MTA3: variants seen among roughly 807,000 people sequenced by gnomAD.
MTA3 encodes metastasis-associated protein MTA3.
In MTA3, 34 loss-of-function variants were observed where a neutral mutation model predicts 83.5. The observed-to-expected ratio is 0.41, with a 90% CI of 0.31 to 0.54. The LOEUF is 0.54. Among genes scored for constraint, MTA3 ranks in the 20% least tolerant of loss-of-function variants. The probability of loss-of-function intolerance (pLI) is 0.33; values close to 1 mark genes in which losing one functional copy is unlikely to be tolerated. For missense variants in MTA3, 761 were observed against 726.4 expected (o/e 1.05, Z -0.55); for synonymous variants, 303 against 252.7 (o/e 1.20, Z -1.89).
intron 6 of MTA3, among the ~76,000 whole-genome samples, chr2:42,649,064 C>T (rs920415177): frequency 7.2e-5 from 11 of 152,124 alleles, no homozygotes; most frequent in African/African-American, 2.7e-4. Context: ...CCAGCTGTTA[C>T]AGTCTTCTCC....
intron 3 of MTA3, among the ~76,000 whole-genome samples, chr2:42,605,678 C>T (rs1490151107): frequency 7.7e-6 from 1 of 130,054 alleles, no homozygotes; most frequent in Non-Finnish European, 1.7e-5. Context: ...ACCCCCCCAC[C>T]TCCCTCCCGG....
intron 12 of MTA3, 126 bp from the exon 13 acceptor site, chr2:42,707,777 G>A (rs1441658557): frequency 9.4e-7 from 1 of 1,062,764 alleles, no homozygotes; most frequent in Non-Finnish European, 1.3e-6. Flanking sequence ...TGTTTGGCTT[G>A]TAAGCTGGGA....
intron 2 of MTA3, among the ~76,000 whole-genome samples, chr2:42,576,175 T>G (rs973562764): frequency 6.6e-6 from 1 of 152,164 alleles, no homozygotes; most frequent in East Asian, 1.9e-4. Context: ...AGGGTCCACA[T>G]TCTAATGAGG....
intron 14 of MTA3, chr2:42,709,542 T>A (rs983002395): frequency 6.3e-6 from 1 of 159,622 alleles, no homozygotes; most frequent in African/African-American, 2.4e-5. Flanking sequence ...CAATTTACAC[T>A]AATTAGAGAC....
intron 2 of MTA3, among the ~76,000 whole-genome samples, chr2:42,534,518 A>C (rs1475236349): frequency 6.6e-6 from 1 of 151,680 alleles, no homozygotes; most frequent in African/African-American, 2.4e-5. Context: ...AATCGCTTGA[A>C]CCCGGGAGGC....
At chr2:42,536,634 C>T (rs984594514) in intron 2 of MTA3, among the ~76,000 whole-genome samples, 4 of 151,932 alleles carry the variant, frequency 2.6e-5, no homozygotes, top group Admixed American at 6.6e-5. Context: ...CTGAGGCAGG[C>T]GGATCACGAG....
intron 3 of MTA3, among the ~76,000 whole-genome samples, chr2:42,602,981 T>C (rs1218511619): frequency 1.3e-5 from 2 of 152,162 alleles, no homozygotes; most frequent in Non-Finnish European, 2.9e-5. Context: ...TGTAATTTTA[T>C]AGTACTCACC....
intron 14 of MTA3, among the ~76,000 whole-genome samples, chr2:42,718,747 A>T (rs900560650): frequency 2.6e-5 from 4 of 152,080 alleles, no homozygotes; most frequent in African/African-American, 9.7e-5. Flanking sequence ...TGGGTGACAG[A>T]GTGAGCCTCC....
At chr2:42,682,064 C>T (rs539524126) in intron 8 of MTA3, among the ~76,000 whole-genome samples, 3 of 151,894 alleles carry the variant, frequency 2.0e-5, no homozygotes, top group Middle Eastern at 3.4e-3. Flanking sequence ...AAAAACTAGT[C>T]AGTCATAGTG....
chr2:42,600,006 C>G (rs765755634), intron 3 of MTA3, among the ~76,000 whole-genome samples: 1 of 150,034 alleles, frequency 6.7e-6, no homozygotes, highest in Non-Finnish European at 1.5e-5. Flanking sequence ...ACCATCCTGG[C>G]TAACACAGTG....
At chr2:42,582,248 C>G (rs971541704) in intron 3 of MTA3, among the ~76,000 whole-genome samples, 1 of 152,006 alleles carries the variant, frequency 6.6e-6, no homozygotes, top group Admixed American at 6.6e-5. Flanking sequence ...TCAGTAGAGA[C>G]GGGGTTTCAC....
At chr2:42,750,101 C>G (rs1045472247) in intron 16 of MTA3, among the ~76,000 whole-genome samples, 1 of 152,170 alleles carries the variant, frequency 6.6e-6, no homozygotes, top group African/African-American at 2.4e-5. Context: ...AAGCGATTCT[C>G]CTGCCTCAGC....
intron 16 of MTA3, among the ~76,000 whole-genome samples, chr2:42,725,351 C>A (rs934456963): frequency 9.2e-5 from 14 of 152,348 alleles, no homozygotes; most frequent in Non-Finnish European, 2.9e-5. Context: ...TCAGATGTGA[C>A]TGATTTCAGA....
intron 4 of MTA3, among the ~76,000 whole-genome samples, chr2:42,633,341 G>A (rs1416242543): frequency 6.6e-6 from 1 of 150,482 alleles, no homozygotes; most frequent in African/African-American, 2.4e-5. Flanking sequence ...CCCAGCAATT[G>A]GGGGGCCAAG....
intron 2 of MTA3, among the ~76,000 whole-genome samples, chr2:42,556,538 C>T (rs926937529): frequency 2.0e-5 from 3 of 152,202 alleles, no homozygotes; most frequent in African/African-American, 7.2e-5. Flanking sequence ...AATAATGCAT[C>T]CGATCCCAGC....
chr2:42,741,239 G>GAT (rs1669005336), intron 16 of MTA3, among the ~76,000 whole-genome samples: 1 of 152,214 alleles, frequency 6.6e-6, no homozygotes, highest in South Asian at 2.1e-4. Context: ...CCCTGCTCTG[G>GAT]ATTAGGCTTT....
At chr2:42,697,248 C>G (rs1693471988) in intron 10 of MTA3, among the ~76,000 whole-genome samples, 2 of 152,128 alleles carry the variant, frequency 1.3e-5, no homozygotes, top group African/African-American at 4.8e-5. Context: ...GTGAATTCAG[C>G]TGAGGTTTAA....
intron 4 of MTA3, among the ~76,000 whole-genome samples, chr2:42,628,265 T>G (rs1024611485): frequency 2.1e-5 from 3 of 145,416 alleles, no homozygotes; most frequent in Middle Eastern, 3.7e-3. Context: ...AGTTTTGCTC[T>G]TGTCACCCAG....
Position 42,753,396 on chromosome 2 carries a change from C to A in MTA3, c.1782C>A (p.Asp594Glu). 1 of 1,550,646 alleles carries A rather than the reference C, an allele frequency of 6.4e-7. No individual in the cohort carries two copies. Among genetic ancestry groups the A allele is most frequent in the Non-Finnish European group, 8.7e-7 (1 of 1,146,998 alleles). Residue 594 changes from aspartate (D) to glutamate (E), a missense_variant, in exon 17 of 17, where the codon GAC (aspartate) becomes GAA (glutamate). Asp to Glu is a conservative substitution (Grantham distance 45, BLOSUM62 2). Coordinates refer to ENST00000405094, the MANE Select transcript of MTA3 (RefSeq NM_001330442.2). ...GLDELTCCVS[D>E] The stretch of plus-strand genomic sequence containing the variant: ...TAGAACTCACGTGCTGTGTGTCAGA[C>A]TGAGCTTTCCCTGATTCATTCTACA...
Sources: allele counts gnomAD v4.1 joint callset (sites outside exome capture counted in the v4.1 genomes callset), GRCh38; gene constraint gnomAD v4.1.1; transcripts MANE v1.5; gene names NCBI Gene and HGNC (gene_info 2026-07-23, HGNC 2026-07-21).